BAZ1A: variants seen among roughly 807,000 people sequenced by gnomAD.
BAZ1A encodes bromodomain adjacent to zinc finger domain protein 1A.
BAZ1A carries 50 observed loss-of-function variants against 185.2 expected under a neutral mutation model. That is an observed-to-expected ratio of 0.27 (90% CI 0.22 to 0.34). The LOEUF (loss-of-function observed/expected upper bound fraction) is 0.34, where lower values mean the gene tolerates loss of function less well. Ranked by LOEUF, BAZ1A falls within the 10% of genes least tolerant of loss-of-function variation. BAZ1A has a pLI of 1.00. For missense variants in BAZ1A, 1,356 were observed against 1,839.9 expected (o/e 0.74, Z 4.81); for synonymous variants, 571 against 615.6 (o/e 0.93, Z 1.07).
chr14:34,866,348 C>G (rs943399708), intron 2 of BAZ1A, among the ~76,000 whole-genome samples: 1 of 151,708 alleles, frequency 6.6e-6, no homozygotes, highest in East Asian at 1.9e-4. Flanking sequence ...GCCAGGTCCA[C>G]GTGGTGGCAC....
At chr14:34,860,488 A>G (rs1188589486) in intron 3 of BAZ1A, among the ~76,000 whole-genome samples, 1 of 148,762 alleles carries the variant, frequency 6.7e-6, no homozygotes, top group Non-Finnish European at 1.5e-5. Context: ...AGCCTGGGCA[A>G]CAGAGCCAGA....
In BAZ1A at chr14:34,776,639, C is replaced by T. The variant is rs1879633485; in HGVS notation, c.2237-124G>A. ...CTAAACTGTATCCCCTCTCCACAAC[C>T]CCAAGTTCATATGTTGAAGCCCTAA... On this transcript the variant is annotated intron_variant, in intron 17 of 26. Transcript: ENST00000360310. 13 of 735,516 alleles carry T rather than the reference C, an allele frequency of 1.8e-5. No homozygotes were observed. The South Asian group carries it at 2.2e-4, about 12-fold the overall frequency. The allele number at this position is 735,516 out of a possible 1,614,324, so 45.6% of individuals were successfully genotyped here.
Position 34,811,012 on chromosome 14 carries a change from G to A in BAZ1A, c.561C>T (p.Pro187=). The A allele has an allele frequency of 6.2e-7, 1 of 1,600,186 alleles. No individual in the cohort carries two copies. Among genetic ancestry groups the A allele is most frequent in the Non-Finnish European group, 8.5e-7 (1 of 1,171,316 alleles). The change falls in exon 5 of 27, where the codon CCC becomes CCT. Residue 187 remains proline, a synonymous_variant. Transcript: ENST00000360310. ...GTTGCACTTTATACTTGAATAGTAAGGGATCAATTGCATCTTTTTTCTTCC... is the reference window on the plus strand; with the variant it reads ...GTTGCACTTTATACTTGAATAGTAAAGGATCAATTGCATCTTTTTTCTTCC... ...QNGKKKDAID[P]LLFKYKVQPT...
chr14:34,783,607 G>A lies in BAZ1A; in HGVS notation c.1997+155C>T, dbSNP rs75803797. Reference sequence around the variant, plus strand: ...CTCCCAAAGTGCTGGGATTGCAGGCGTGAGCCACCACACCTGGCCTCATTC... The same window carrying A: ...CTCCCAAAGTGCTGGGATTGCAGGCATGAGCCACCACACCTGGCCTCATTC... On this transcript the variant is annotated intron_variant, in intron 15 of 26. Transcript: ENST00000360310. 9.4e-3 allele frequency among the ~76,000 whole-genome samples: 1,425 copies of A among 152,170 alleles called. 23 individuals carry two copies. The highest frequency in any genetic ancestry group is 0.033 in the African/African-American group (1,369 of 41,494).
At chr14:34,849,648 A>G (rs1413462691) in intron 3 of BAZ1A, among the ~76,000 whole-genome samples, 1 of 152,230 alleles carries the variant, frequency 6.6e-6, no homozygotes, top group Non-Finnish European at 1.5e-5. Flanking sequence ...GAAAGCATCT[A>G]GCCCACTGCC....
intron 11 of BAZ1A, among the ~76,000 whole-genome samples, chr14:34,793,259 T>TC (rs1880965738): frequency 2.0e-5 from 3 of 152,320 alleles, no homozygotes; most frequent in African/African-American, 7.2e-5. Flanking sequence ...AAATATTTGT[T>TC]ATTGTGCCAC....
intron 5 of BAZ1A, among the ~76,000 whole-genome samples, chr14:34,808,294 G>C (rs2041878961): frequency 6.6e-6 from 1 of 151,882 alleles, no homozygotes; most frequent in African/African-American, 2.4e-5. Context: ...AGGAGTTCGA[G>C]ACCAGCCTGG....
chr14:34,797,237 T>C (rs1399572931), intron 9 of BAZ1A, among the ~76,000 whole-genome samples: 1 of 152,122 alleles, frequency 6.6e-6, no homozygotes, highest in Non-Finnish European at 1.5e-5. Flanking sequence ...AGGCAGAGGA[T>C]AAAGACTAGA....
Position 34,753,531 on chromosome 14 carries a change from C to T in BAZ1A, c.4648G>A (p.Ala1550Thr), listed in dbSNP as rs776886321. 3 of 1,613,950 alleles carry T rather than the reference C, an allele frequency of 1.9e-6. No individual in the cohort carries two copies. The highest frequency in any genetic ancestry group is 1.1e-5 in the South Asian group (1 of 91,052). The change falls in exon 27 of 27, where the codon GCT (alanine) becomes ACT (threonine). Residue 1550 changes from alanine to threonine, a missense_variant. Physicochemically the swap from Ala to Thr is moderately conservative, Grantham distance 58. Transcript: ENST00000360310. The part of the protein sequence containing the change: ...SNVDQVSTPP[A>T]AKKSRI ...AGTCAGATTCGTGACTTTTTCGCAG[C>T]CGGTGGTGTGCTAACTTGGTCCACA...
At chr14:34,762,937 C>T (rs1420461785) in intron 23 of BAZ1A, among the ~76,000 whole-genome samples, 1 of 152,152 alleles carries the variant, frequency 6.6e-6, no homozygotes, top group Non-Finnish European at 1.5e-5. Context: ...TCTCCTTTTG[C>T]TACAGGAGAC....
rs961558413 is a variant in BAZ1A, at chr14:34,846,367, C to T, written c.392+15677G>A. 3.3e-5 allele frequency among the ~76,000 whole-genome samples: 5 copies of T among 152,078 alleles called. No homozygotes were observed. The South Asian group carries it at 6.2e-4, about 19-fold the overall frequency. ...TAAAGAAAATGCCATAAAAACTAAC[C>T]ACTCTCACCCCCAGCATTTACCAAG... On this transcript the variant is annotated intron_variant, in intron 3 of 26. Transcript: ENST00000360310.
At chr14:34,831,087 A>G (rs2042235995) in intron 3 of BAZ1A, among the ~76,000 whole-genome samples, 1 of 152,228 alleles carries the variant, frequency 6.6e-6, no homozygotes, top group Non-Finnish European at 1.5e-5. Context: ...AAGTGGTTCA[A>G]GATTAGATAC....
chr14:34,814,752 C>A (rs2041981076), intron 4 of BAZ1A, among the ~76,000 whole-genome samples: 1 of 151,606 alleles, frequency 6.6e-6, no homozygotes, highest in Non-Finnish European at 1.5e-5. Flanking sequence ...GCTGGGATTA[C>A]AGGTGTGAGC....
chr14:34,832,245 T>TATA (rs1160657642), intron 3 of BAZ1A, among the ~76,000 whole-genome samples: 1 of 146,056 alleles, frequency 6.8e-6, no homozygotes, highest in African/African-American at 2.5e-5. Flanking sequence ...TGTATGTATA[T>TATA]TTCCTAACAA....
chr14:34,764,353 G>A (rs1035318483), intron 23 of BAZ1A, among the ~76,000 whole-genome samples: 11 of 141,110 alleles, frequency 7.8e-5, no homozygotes, highest in African/African-American at 2.7e-4. Context: ...GTGCAATGGC[G>A]TGATCCGTTA....
At position 34,753,515 on chromosome 14, in the gene BAZ1A, C is replaced by G; in HGVS notation, c.4664G>C (p.Arg1555Pro). 6.2e-7 allele frequency: 1 copy of G among 1,613,952 alleles called. No homozygotes were observed. The highest frequency in any genetic ancestry group is 8.5e-7 in the Non-Finnish European group (1 of 1,179,936). ...VSTPPAAKKS[R>P]I ...TCCTTTAGAAGGACAAAGTCAGATT[C>G]GTGACTTTTTCGCAGCCGGTGGTGT... The change falls in exon 27 of 27, where the codon CGA becomes CCA. Residue 1555 changes from arginine to proline, a missense_variant. This residue lies in a region of BAZ1A where 25 missense variants were observed against 20.1 expected (regional missense o/e 1.24). Coordinates refer to ENST00000360310, the MANE Select transcript of BAZ1A (RefSeq NM_013448.3).
chr14:34,769,119 G>T (rs894595491), intron 21 of BAZ1A, among the ~76,000 whole-genome samples: 4 of 152,114 alleles, frequency 2.6e-5, no homozygotes, highest in African/African-American at 9.7e-5. Context: ...ATTATCAGGT[G>T]AATGGAGAAT....
intron 3 of BAZ1A, among the ~76,000 whole-genome samples, chr14:34,857,305 G>A (rs141256425): frequency 5.3e-5 from 8 of 151,668 alleles, no homozygotes; most frequent in Non-Finnish European, 8.8e-5. Context: ...AACGCACCCA[G>A]TCTCTTCTTC....
chr14:34,796,237 A>C (rs1007470956), intron 9 of BAZ1A, among the ~76,000 whole-genome samples: 11 of 151,784 alleles, frequency 7.2e-5, no homozygotes, highest in African/African-American at 2.7e-4. Flanking sequence ...TGTTCCAGCT[A>C]CTCAGGAGGC....
Sources: gnomAD v4.1 joint callset for allele counts (sites outside exome capture counted in the v4.1 genomes callset) on GRCh38, gnomAD v4.1.1 for gene constraint, gnomAD v4.1.1 regional missense constraint, MANE v1.5 for transcripts, NCBI Gene and HGNC (gene_info 2026-07-23, HGNC 2026-07-21) for gene names.